MYLK: variants seen among roughly 807,000 people sequenced by gnomAD.
The protein encoded by MYLK is myosin light chain kinase, smooth muscle.
A neutral mutation model predicts 203.4 loss-of-function variants in MYLK; 106 were observed. That is an observed-to-expected ratio of 0.52 (90% CI 0.45 to 0.61). The LOEUF is 0.61. Among genes scored for constraint, MYLK ranks in the 20% least tolerant of loss-of-function variants. The probability of loss-of-function intolerance (pLI) is 0.00; values close to 1 mark genes in which losing one functional copy is unlikely to be tolerated. For missense variants in MYLK, 2,072 were observed against 2,442.3 expected (o/e 0.85, Z 3.20); for synonymous variants, 867 against 959.5 (o/e 0.90, Z 1.78).
At chr3:123,844,734 A>G (rs1431513978) in intron 2 of MYLK, among the ~76,000 whole-genome samples, 2 of 152,062 alleles carry the variant, frequency 1.3e-5, no homozygotes, top group Non-Finnish European at 2.9e-5. Flanking sequence ...AAGCACAGAG[A>G]AAAAAAGATG....
chr3:123,674,213 T>C (rs866474334), intron 20 of MYLK, among the ~76,000 whole-genome samples: 41 of 152,198 alleles, frequency 2.7e-4, no homozygotes, highest in African/African-American at 8.4e-4. Context: ...TCCCTGCCCA[T>C]ATCCACTGAC....
chr3:123,763,565 CTTTT>C (rs199646054), intron 4 of MYLK, among the ~76,000 whole-genome samples: 1 of 151,094 alleles, frequency 6.6e-6, no homozygotes, highest in Non-Finnish European at 1.5e-5. Flanking sequence ...AAGTGGAAAC[CTTTT>C]TTTTTCTTCA....
intron 3 of MYLK, among the ~76,000 whole-genome samples, chr3:123,798,847 A>G (rs1046721523): frequency 1.3e-5 from 2 of 152,158 alleles, no homozygotes; most frequent in Non-Finnish European, 2.9e-5. Flanking sequence ...CTGCCACACA[A>G]TTAATGGTTA....
chr3:123,777,288 G>A (rs544005108), intron 4 of MYLK, among the ~76,000 whole-genome samples: 1 of 152,368 alleles, frequency 6.6e-6, no homozygotes, highest in East Asian at 1.9e-4. Context: ...CCTAGAGAAT[G>A]TAAGCAGAAC....
At chr3:123,794,002 G>A (rs58414333) in intron 3 of MYLK, 158 bp from the exon 4 acceptor site, 1 of 775,770 alleles carries the variant, frequency 1.3e-6, no homozygotes. Flanking sequence ...GTGAAGATGA[G>A]AGGCTCTGTC....
rs1453737194 is a variant in MYLK, at chr3:123,810,491, C to T, written c.-3-16647G>A. ...GCCGGCCCACTGTGTCAGGGTTCAG[C>T]CCTCTCTGCTTCATTTCTGGCGCTC... On this transcript the variant is annotated intron_variant, in intron 3 of 33. Transcript: ENST00000360304. Among the ~76,000 whole-genome samples, 4 of 152,212 alleles carry T rather than the reference C, an allele frequency of 2.6e-5. No individual in the cohort carries two copies. The East Asian group carries it at 5.8e-4, about 22-fold the overall frequency.
chr3:123,686,692 A>G (rs1255284620), intron 19 of MYLK, among the ~76,000 whole-genome samples: 5 of 152,188 alleles, frequency 3.3e-5, no homozygotes, highest in Non-Finnish European at 5.9e-5. Context: ...CTTCCTCACA[A>G]GGAAAACCGA....
In MYLK at chr3:123,707,950, C is replaced by G. The variant is rs1218015517; in HGVS notation, c.2194G>C (p.Ala732Pro). 2 of 1,614,198 alleles carry G rather than the reference C, an allele frequency of 1.2e-6. No individual in the cohort carries two copies. Among genetic ancestry groups the G allele is most frequent in the Middle Eastern group, 1.7e-4 (1 of 6,060 alleles). ...ATGAGGACACTCTGGCCCAGGGAGG[C>G]TGTCACTGAGCGAGGCTTACTGATG... Reference protein sequence around the residue: ...WFISKPRSVTASLGQSVLISC... With the variant: ...WFISKPRSVTPSLGQSVLISC... Residue 732 changes from alanine to proline, a missense_variant, in exon 16 of 34, where the codon GCC (alanine) becomes CCC (proline). Coordinates refer to ENST00000360304, the MANE Select transcript of MYLK (RefSeq NM_053025.4).
chr3:123,690,142 C>T (rs886120625), intron 19 of MYLK, among the ~76,000 whole-genome samples: 12 of 152,142 alleles, frequency 7.9e-5, no homozygotes, highest in African/African-American at 1.4e-4. Context: ...GTAGTCCCAT[C>T]GCCTAGTGGA....
chr3:123,863,216 C>T (rs1433948739), intron 2 of MYLK, among the ~76,000 whole-genome samples: 1 of 152,054 alleles, frequency 6.6e-6, no homozygotes, highest in Non-Finnish European at 1.5e-5. Flanking sequence ...ATCCCTACTT[C>T]ACACTATACA....
chr3:123,847,135 T>C (rs1319801979), intron 2 of MYLK, among the ~76,000 whole-genome samples: 1 of 152,128 alleles, frequency 6.6e-6, no homozygotes, highest in Non-Finnish European at 1.5e-5. Flanking sequence ...TAACAACTAT[T>C]TACATAGCCT....
intron 2 of MYLK, among the ~76,000 whole-genome samples, chr3:123,838,947 T>C (rs1192340031): frequency 6.6e-6 from 1 of 151,760 alleles, no homozygotes; most frequent in Non-Finnish European, 1.5e-5. Context: ...ATACAAAAAT[T>C]AGTCAGGCAT....
At chr3:123,819,616 A>G (rs2109286371) in intron 3 of MYLK, among the ~76,000 whole-genome samples, 1 of 152,240 alleles carries the variant, frequency 6.6e-6, no homozygotes, top group South Asian at 2.1e-4. Flanking sequence ...CTCCTTTCCC[A>G]TAGTCTTTAT....
At chr3:123,854,980 G>A (rs1315677477) in intron 2 of MYLK, among the ~76,000 whole-genome samples, 7 of 151,972 alleles carry the variant, frequency 4.6e-5, no homozygotes, top group African/African-American at 7.2e-5. Flanking sequence ...TACATAACTT[G>A]TATTTTTATT....
chr3:123,683,772 T>C (rs1292781514), intron 19 of MYLK, among the ~76,000 whole-genome samples: 1 of 152,148 alleles, frequency 6.6e-6, no homozygotes, highest in East Asian at 1.9e-4. Flanking sequence ...TGCACCATTG[T>C]GGGCCTTAAG....
chr3:123,776,473 T>C (rs899074439), intron 4 of MYLK, among the ~76,000 whole-genome samples: 1 of 152,186 alleles, frequency 6.6e-6, no homozygotes, highest in Admixed American at 6.5e-5. Flanking sequence ...AAAAACTTCA[T>C]GTATAAAGAT....
intron 2 of MYLK, among the ~76,000 whole-genome samples, chr3:123,833,953 A>C (rs2682210): frequency 0.84 from 128,102 of 152,158 alleles, 54,146 homozygotes; most frequent in East Asian, 0.96. Context: ...CAACACTGGA[A>C]AATTGTCCAC....
At chr3:123,682,369 GTC>G (rs2060298964) in intron 19 of MYLK, 59 bp from the exon 20 acceptor site, 1 of 1,347,198 alleles carries the variant, frequency 7.4e-7, no homozygotes, top group Non-Finnish European at 1.0e-6. Context: ...AGCAAAGGGG[GTC>G]TCTCAGTCAA....
At chr3:123,702,194 C>G (rs2061264021) in intron 16 of MYLK, among the ~76,000 whole-genome samples, 3 of 152,220 alleles carry the variant, frequency 2.0e-5, no homozygotes, top group Non-Finnish European at 4.4e-5. Context: ...GGGGCTGTAC[C>G]CTGTCTGGCT....
Sources: gnomAD v4.1 joint callset for allele counts (sites outside exome capture counted in the v4.1 genomes callset) on GRCh38, gnomAD v4.1.1 for gene constraint, MANE v1.5 for transcripts, NCBI Gene and HGNC (gene_info 2026-07-23, HGNC 2026-07-21) for gene names.